TTN: variants seen among roughly 807,000 people sequenced by gnomAD.
TTN encodes the protein connectin.
TTN carries 1,525 observed loss-of-function variants against 3,223.0 expected under a neutral mutation model. The observed-to-expected ratio is 0.47, with a 90% CI of 0.45 to 0.49. The LOEUF (loss-of-function observed/expected upper bound fraction) is 0.49, where lower values mean the gene tolerates loss of function less well. Among genes scored for constraint, TTN ranks in the 20% least tolerant of loss-of-function variants. The pLI, the probability that TTN is intolerant of heterozygous loss-of-function variation, is 0.00. For synonymous variants in TTN, 14,094 were observed against 15,161.0 expected (o/e 0.93, Z 5.17); for missense variants, 40,786 against 43,424.0 (o/e 0.94, Z 5.40).
chr2:178,731,833 C>CAA lies in TTN; in HGVS notation c.17041_17042insTT (p.Arg5681IlefsTer21), dbSNP rs1279117205. On this transcript the variant is annotated frameshift_variant, in exon 58 of 363. Transcript: ENST00000589042. LOFTEE classifies it high-confidence loss of function. ...ATCCTGAATGAAAGTCTTATACTTTCTACCACTTCGCAGGATTGTGTTATC... is the reference window on the plus strand; with the variant it reads ...ATCCTGAATGAAAGTCTTATACTTTCAATACCACTTCGCAGGATTGTGTTATC... 6.2e-7 allele frequency: 1 copy of CAA among 1,613,686 alleles called. No individual in the cohort carries two copies. Among genetic ancestry groups the CAA allele is most frequent in the African/African-American group, 1.3e-5 (1 of 74,892 alleles).
rs756879603 is a variant in TTN at position 178,611,694 on chromosome 2, A to C, written c.50552-17T>G. The stretch of plus-strand genomic sequence containing the variant: ...AGGGAGGACCTGAGAAAAGAGTGAA[A>C]TATTCATATCCACAGTCTCATCAAG... On this transcript the variant is annotated splice_polypyrimidine_tract_variant and intron_variant, in intron 268 of 362. Transcript: ENST00000589042. The C allele has an allele frequency of 3.1e-6, 5 of 1,612,282 alleles. No individual in the cohort carries two copies. In the African/African-American group the frequency reaches 6.7e-5, roughly 22 times the overall value.
chr2:178,739,792 T>C lies in TTN; in HGVS notation c.13441A>G (p.Ile4481Val), dbSNP rs747351949. ...MELRDALCAIIYEEIDILTAE... is the reference protein window; with the variant it reads ...MELRDALCAIVYEEIDILTAE... ...GTTAGGATGTCTATTTCCTCATATA[T>C]AATAGCACACAAAGCATCCCTAAGT... is the stretch of plus-strand genomic sequence containing the variant. The change falls in exon 48 of 363, where the codon ATA (isoleucine) becomes GTA (valine). Residue 4481 changes from isoleucine to valine, a missense_variant. By Grantham distance (29) the Ile-to-Val change is conservative. Coordinates refer to ENST00000589042, the MANE Select transcript of TTN (RefSeq NM_001267550.2). 55 of 1,613,754 alleles carry C rather than the reference T, an allele frequency of 3.4e-5. No individual in the cohort carries two copies. The highest frequency in any genetic ancestry group is 8.3e-5 in the Admixed American group (5 of 59,974).
At position 178,748,649 on chromosome 2, in the gene TTN, T is replaced by C. The variant is rs755634203; in HGVS notation, c.11311+4475A>G. On this transcript the variant is annotated intron_variant, in intron 47 of 362. Transcript: ENST00000589042. ...TTCTTGGAATTTCACATCTGTGTGTTTTATTTGAGTGTGAAACTGCTTTAA... is the reference window on the plus strand; with the variant it reads ...TTCTTGGAATTTCACATCTGTGTGTCTTATTTGAGTGTGAAACTGCTTTAA... 51 of 1,612,842 alleles carry C rather than the reference T, an allele frequency of 3.2e-5. No homozygotes were observed. The highest frequency in any genetic ancestry group is 4.2e-5 in the Non-Finnish European group (50 of 1,179,306).
At chr2:178,752,054 A>G (rs778632604) in intron 47 of TTN, 5 of 1,584,290 alleles carry the variant, frequency 3.2e-6, no homozygotes, top group East Asian at 4.5e-5. Flanking sequence ...AAAAAAAAAA[A>G]AAAACCTTTA....
rs757714302 is a variant in TTN at position 178,731,773 on chromosome 2, G to T, written c.17102C>A (p.Ala5701Asp). 2 of 1,613,820 alleles carry T rather than the reference G, an allele frequency of 1.2e-6. No homozygotes were observed. Among genetic ancestry groups the T allele is most frequent in the Non-Finnish European group, 1.7e-6 (2 of 1,179,764 alleles). Residue 5701 changes from alanine (A) to aspartate (D), a missense_variant, in exon 58 of 363, where the codon GCT becomes GAT. Transcript: ENST00000589042. ...LVSLQILKFV[A>D]ADAGEYQCRV... ...ACACTGGTATTCGCCAGCATCTGCAGCTACAAACTTGAGGATCTGCAGGCT... is the reference window on the plus strand; with the variant it reads ...ACACTGGTATTCGCCAGCATCTGCATCTACAAACTTGAGGATCTGCAGGCT...
Position 178,565,954 on chromosome 2 carries a change from G to C in TTN, c.80178C>G (p.Thr26726=). Reference sequence around the variant, plus strand: ...TACTCACATTAGCATACGCTTTTCTGGTTGACTCACGTTTGTCAATCACAT... The same window carrying C: ...TACTCACATTAGCATACGCTTTTCTCGTTGACTCACGTTTGTCAATCACAT... ...KNYVIDKRES[T]RKAYANVSSK... Residue 26726 remains threonine (T), a synonymous_variant, in exon 326 of 363, where the codon ACC becomes ACG. Transcript: ENST00000589042. The C allele has an allele frequency of 6.2e-7, 1 of 1,613,536 alleles. No homozygotes were observed. The highest frequency in any genetic ancestry group is 8.5e-7 in the Non-Finnish European group (1 of 1,179,652).
In TTN at chr2:178,729,737, A is replaced by G. The variant is rs1437976464; in HGVS notation, c.18516T>C (p.Asn6172=). The change falls in exon 63 of 363, where the codon AAT becomes AAC. Residue 6172 remains asparagine (N), a synonymous_variant. Coordinates refer to ENST00000589042, the MANE Select transcript of TTN (RefSeq NM_001267550.2). The stretch of plus-strand genomic sequence containing the variant: ...GAGCTTCACACACATAAGTCCCACT[A>G]TTTTCTACCCTGGCACCAGAAATCT... ...TFQISGARVE[N]SGTYVCEARN... is the part of the protein sequence containing the mutation. 1.2e-6 allele frequency: 2 copies of G among 1,613,714 alleles called. No homozygotes were observed. The highest frequency in any genetic ancestry group is 1.1e-5 in the South Asian group (1 of 91,074).
chr2:178,652,719 C>G lies in TTN; in HGVS notation c.38977G>C (p.Glu12993Gln), dbSNP rs779019031. ...GGCACTTTCTTTTCAGGAACAACCTCTTTGGGAGCCTCTGGTACTTAAAAG... is the reference window on the plus strand; with the variant it reads ...GGCACTTTCTTTTCAGGAACAACCTGTTTGGGAGCCTCTGGTACTTAAAAG... The part of the protein sequence containing the change: ...PPVKVPEAPK[E>Q]VVPEKKVPSA... The change falls in exon 201 of 363, where the codon GAG (glutamate) becomes CAG (glutamine). Residue 12993 changes from glutamate to glutamine, a missense_variant. Coordinates refer to ENST00000589042, the MANE Select transcript of TTN (RefSeq NM_001267550.2). The G allele has an allele frequency of 7.4e-6, 12 of 1,612,996 alleles. No individual in the cohort carries two copies. In the South Asian group the frequency reaches 1.3e-4, roughly 18 times the overall value.
At chr2:178,793,297 C>A in intron 9 of TTN, 107 bp downstream of exon 9, 3 of 1,485,984 alleles carry the variant, frequency 2.0e-6, no homozygotes, top group Middle Eastern at 3.6e-4. Context: ...TATTAGTATG[C>A]TAACAACCAT....
At position 178,685,343 on chromosome 2, in the gene TTN, A is replaced by T; in HGVS notation, c.32393-13T>A. 6.5e-7 allele frequency: 1 copy of T among 1,544,084 alleles called. No homozygotes were observed. Among genetic ancestry groups the T allele is most frequent in the African/African-American group, 1.4e-5 (1 of 72,746 alleles). On this transcript the variant is annotated splice_polypyrimidine_tract_variant and intron_variant, in intron 128 of 362. Coordinates refer to ENST00000589042, the MANE Select transcript of TTN (RefSeq NM_001267550.2). ...TGCCTCTCTGTCACTTGAAAAGATT[A>T]TAAAATATGTTTGTAGAAATGTCTA...
At chr2:178,616,214 A>T (rs1211984274) in intron 257 of TTN, among the ~76,000 whole-genome samples, 1 of 151,910 alleles carries the variant, frequency 6.6e-6, no homozygotes, top group Non-Finnish European at 1.5e-5. Context: ...TTGGGTACTT[A>T]GCAGGTACCA....
At position 178,565,870 on chromosome 2, in the gene TTN, G is replaced by C; in HGVS notation, c.80262C>G (p.Tyr26754Ter). 1 of 1,613,656 alleles carries C rather than the reference G, an allele frequency of 6.2e-7. No homozygotes were observed. Among genetic ancestry groups the C allele is most frequent in the Non-Finnish European group, 8.5e-7 (1 of 1,179,658 alleles). The change falls in exon 326 of 363, where the codon TAC becomes TAG. Residue 26754 changes from tyrosine (Y) to a stop codon, truncating the protein, a stop_gained. Transcript: ENST00000589042. LOFTEE classifies it high-confidence loss of function. ...VENLTEGAIY[Y>*]FRVMAENEFG... ...ATTCATTTTCAGCCATGACTCTGAA[G>C]TAATAAATGGCTCCTTCTGTAAGGT...
chr2:178,673,689 G>C lies in TTN; in HGVS notation c.34730C>G (p.Ala11577Gly). The C allele has an allele frequency of 6.3e-7, 1 of 1,590,256 alleles. No homozygotes were observed. Among genetic ancestry groups the C allele is most frequent in the African/African-American group, 1.4e-5 (1 of 73,404 alleles). The change falls in exon 152 of 363, where the codon GCA becomes GGA. Residue 11577 changes from alanine (A) to glycine (G), a missense_variant. Physicochemically the swap from Ala to Gly is moderately conservative, Grantham distance 60. Coordinates refer to ENST00000589042, the MANE Select transcript of TTN (RefSeq NM_001267550.2). ...PPRVPEVIKK[A>G]VPEAPTPVPK... ...AACAGGAGTAGGTGCTTCAGGTACT[G>C]CTTTCTTAATCACTTCAGGCACTTA...
chr2:178,716,919 T>G lies in TTN; in HGVS notation c.25639+176A>C, dbSNP rs1279569729. On this transcript the variant is annotated intron_variant, in intron 88 of 362. Transcript: ENST00000589042. The stretch of plus-strand genomic sequence containing the variant: ...ATGTTTTCCTAGTTTTAAATTTTTT[T>G]TTTAAAGTAATTAAAAAATACTTGT... 2.0e-5 allele frequency among the ~76,000 whole-genome samples: 3 copies of G among 152,298 alleles called. No individual in the cohort carries two copies. The South Asian group carries it at 6.2e-4, about 32-fold the overall frequency.
Position 178,630,336 on chromosome 2 carries a change from T to C in TTN, c.44186A>G (p.His14729Arg), listed in dbSNP as rs774485726. 2 of 1,611,148 alleles carry C rather than the reference T, an allele frequency of 1.2e-6. No homozygotes were observed. Among genetic ancestry groups the C allele is most frequent in the Non-Finnish European group, 1.7e-6 (2 of 1,179,008 alleles). ...GCGACAGTTGTGCAAAACAAGGGAG[T>C]GTATTTTGCCTTCTTCCTTAATTTC... ...DCEIKEEGKI[H>R]SLVLHNCRLD... The change falls in exon 239 of 363, where the codon CAC becomes CGC. Residue 14729 changes from histidine to arginine, a missense_variant. Coordinates refer to ENST00000589042, the MANE Select transcript of TTN (RefSeq NM_001267550.2).
In TTN at chr2:178,552,275, C is replaced by T; in HGVS notation, c.90625G>A (p.Ala30209Thr). Residue 30209 changes from alanine to threonine, a missense_variant, in exon 335 of 363, where the codon GCA (alanine) becomes ACA (threonine). Coordinates refer to ENST00000589042, the MANE Select transcript of TTN (RefSeq NM_001267550.2). ...ATGGGGACTGCAATTCTACACACTG[C>T]ATTATCAAGAATAACAGTGTATTTT... ...GGKYTVILDN[A>T]VCRIAVPITV... 6.2e-7 allele frequency: 1 copy of T among 1,613,524 alleles called. No homozygotes were observed. The highest frequency in any genetic ancestry group is 8.5e-7 in the Non-Finnish European group (1 of 1,179,670).
At position 178,553,404 on chromosome 2, in the gene TTN, C is replaced by G. The variant is rs755897783; in HGVS notation, c.89504-8G>C. 1.9e-6 allele frequency: 3 copies of G among 1,583,782 alleles called. No homozygotes were observed. Among genetic ancestry groups the G allele is most frequent in the Non-Finnish European group, 2.6e-6 (3 of 1,165,676 alleles). On this transcript the variant is annotated splice_polypyrimidine_tract_variant and splice_region_variant and intron_variant, in intron 334 of 362. Transcript: ENST00000589042. Reference sequence around the variant, plus strand: ...GGTCAATCTCTGGTGCCTCTGTAGACATAAAATGGATACATACAGTGAATT... The same window carrying G: ...GGTCAATCTCTGGTGCCTCTGTAGAGATAAAATGGATACATACAGTGAATT...
rs758990147 is a variant in TTN at position 178,593,856 on chromosome 2, G to A, written c.58444C>T (p.Pro19482Ser). The change falls in exon 298 of 363, where the codon CCA (proline) becomes TCA (serine). Residue 19482 changes from proline to serine, a missense_variant. Coordinates refer to ENST00000589042, the MANE Select transcript of TTN (RefSeq NM_001267550.2). ...CQVNVVDRPG[P>S]PVGPVSFDEV... ...TCAAAACTAACTGGTCCTACTGGTG[G>A]TCCAGGACGGTCTGCAGAAAAAAAA... The A allele has an allele frequency of 1.2e-6, 2 of 1,610,354 alleles. No individual in the cohort carries two copies. The highest frequency in any genetic ancestry group is 4.5e-5 in the East Asian group (2 of 44,606).
intron 108 of TTN, 41 bp downstream of exon 108, chr2:178,702,127 T>G (rs1457465901): frequency 1.2e-6 from 2 of 1,613,594 alleles, no homozygotes. Flanking sequence ...GGCTACGTGT[T>G]TCGAAGATGG....
Sources: gnomAD v4.1 joint callset for allele counts (sites outside exome capture counted in the v4.1 genomes callset) on GRCh38, gnomAD v4.1.1 for gene constraint, MANE v1.5 for transcripts, NCBI Gene and HGNC (gene_info 2026-07-23, HGNC 2026-07-21) for gene names.